Variants in LYN observed in about 807,000 individuals in gnomAD.
LYN encodes the protein LYN proto-oncogene, Src family tyrosine kinase.
LYN carries 12 observed loss-of-function variants against 65.0 expected under a neutral mutation model. The observed-to-expected ratio is 0.18, with a 90% CI of 0.12 to 0.30. LYN has a LOEUF of 0.30. Among genes scored for constraint, LYN ranks in the 10% least tolerant of loss-of-function variants. The pLI is 1.00. For synonymous variants in LYN, 222 were observed against 221.2 expected (o/e 1.00, Z -0.03); for missense variants, 380 against 623.2 (o/e 0.61, Z 4.16).
chr8:55,888,786 G>T (rs985435303), intron 1 of LYN, among the ~76,000 whole-genome samples: 1 of 152,038 alleles, frequency 6.6e-6, no homozygotes, highest in Non-Finnish European at 1.5e-5. Flanking sequence ...ATCCAGGCTG[G>T]AGTGCAGTGG....
intron 10 of LYN, among the ~76,000 whole-genome samples, chr8:55,991,582 A>G (rs544881556): frequency 1.3e-3 from 205 of 152,264 alleles, no homozygotes; most frequent in Non-Finnish European, 2.5e-3. Flanking sequence ...AGATGCCAAG[A>G]GTTTCACCAG....
At chr8:55,881,063 A>G (rs1183700011) in intron 1 of LYN, among the ~76,000 whole-genome samples, 1 of 152,152 alleles carries the variant, frequency 6.6e-6, no homozygotes, top group Non-Finnish European at 1.5e-5. Context: ...GAGTTTCTTC[A>G]TCTTTGAGAG....
intron 1 of LYN, among the ~76,000 whole-genome samples, chr8:55,896,360 T>G (rs1469028002): frequency 6.6e-6 from 1 of 151,954 alleles, no homozygotes; most frequent in East Asian, 1.9e-4. Context: ...AGCAGGGACA[T>G]GGATGCAGCT....
chr8:55,974,321 T>C (rs1320918966), intron 10 of LYN, among the ~76,000 whole-genome samples: 1 of 152,258 alleles, frequency 6.6e-6, no homozygotes, highest in Non-Finnish European at 1.5e-5. Flanking sequence ...TCTTTAGCTT[T>C]TTCCACTTCA....
chr8:55,923,775 A>T lies in LYN; in HGVS notation c.-5-18080A>T, dbSNP rs373848417. Reference sequence around the variant, plus strand: ...GGCTGGTCTCGAACTCCTGACCTCAAGTGATTTGCCTACCTCGGCCTCCCA... The same window carrying T: ...GGCTGGTCTCGAACTCCTGACCTCATGTGATTTGCCTACCTCGGCCTCCCA... On this transcript the variant is annotated intron_variant, in intron 1 of 12. Transcript: ENST00000519728. Among the ~76,000 whole-genome samples, 44 of 152,196 alleles carry T rather than the reference A, an allele frequency of 2.9e-4. No homozygotes were observed. In the East Asian group the frequency reaches 4.3e-3, roughly 15 times the overall value.
At chr8:55,930,192 C>T (rs532910146) in intron 1 of LYN, among the ~76,000 whole-genome samples, 1 of 152,322 alleles carries the variant, frequency 6.6e-6, no homozygotes, top group South Asian at 2.1e-4. Context: ...ACTGCTCTAG[C>T]TAACCTAGAC....
At chr8:55,890,117 C>CAAAAAAAAAAAAAAAAAAA (rs34706733) in intron 1 of LYN, among the ~76,000 whole-genome samples, 22 of 79,084 alleles carry the variant, frequency 2.8e-4, no homozygotes, top group East Asian at 1.3e-3. Context: ...CCTCTATAGA[C>CAAAAAAAAAAAAAAAAAAA]AAAAAAAAAA....
In LYN at chr8:55,962,875, A is replaced by G. The variant is rs183002126; in HGVS notation, c.791-3840A>G. The stretch of plus-strand genomic sequence containing the variant: ...AGCCTCAGGAAGCTTCCATTCAAAA[A>G]GGAAGGCAAAAGGGAGTGAGCATGT... On this transcript the variant is annotated intron_variant, in intron 8 of 12. Transcript: ENST00000519728. Among the ~76,000 whole-genome samples the G allele has an allele frequency of 1.9e-3, 287 of 152,344 alleles. 4 individuals carry two copies. The highest frequency in any genetic ancestry group is 6.4e-3 in the African/African-American group (266 of 41,582).
chr8:55,999,763 G>A (rs1244050424), intron 12 of LYN, among the ~76,000 whole-genome samples: 1 of 152,128 alleles, frequency 6.6e-6, no homozygotes, highest in African/African-American at 2.4e-5. Context: ...CCTGAGGTCG[G>A]GAGTTGGAGA....
intron 8 of LYN, among the ~76,000 whole-genome samples, chr8:55,962,282 G>A (rs1356106224): frequency 6.6e-6 from 1 of 152,160 alleles, no homozygotes; most frequent in Non-Finnish European, 1.5e-5. Context: ...TTGTGTTGGT[G>A]AGATGCATCC....
At chr8:55,891,690 T>C (rs1371828656) in intron 1 of LYN, among the ~76,000 whole-genome samples, 4 of 152,114 alleles carry the variant, frequency 2.6e-5, no homozygotes, top group Admixed American at 1.3e-4. Context: ...ACGATACAAG[T>C]TTTATATTGT....
intron 10 of LYN, among the ~76,000 whole-genome samples, chr8:55,986,840 T>C (rs909523968): frequency 6.6e-6 from 1 of 152,142 alleles, no homozygotes; most frequent in Non-Finnish European, 1.5e-5. Flanking sequence ...ATCCTCCTGC[T>C]TCAGCTTCCC....
At chr8:55,995,534 AT>A (rs1808350490) in intron 10 of LYN, among the ~76,000 whole-genome samples, 1 of 152,186 alleles carries the variant, frequency 6.6e-6, no homozygotes, top group Non-Finnish European at 1.5e-5. Context: ...GGATGGGTTC[AT>A]GTTCCTGCAG....
chr8:55,933,811 GA>G (rs1334198000), intron 1 of LYN, among the ~76,000 whole-genome samples: 2 of 152,134 alleles, frequency 1.3e-5, no homozygotes, highest in Non-Finnish European at 2.9e-5. Context: ...TTCTTTTCTG[GA>G]AACATTCTAG....
At chr8:55,973,815 A>G (rs74437529) in intron 10 of LYN, among the ~76,000 whole-genome samples, 4 of 152,362 alleles carry the variant, frequency 2.6e-5, no homozygotes, top group African/African-American at 4.8e-5. Flanking sequence ...ACAAAGTGGC[A>G]TGCACCTATT....
intron 1 of LYN, among the ~76,000 whole-genome samples, chr8:55,929,262 A>C (rs76883082): frequency 0.012 from 1,790 of 152,334 alleles, 25 homozygotes; most frequent in Non-Finnish European, 0.019. Context: ...GATCCTTCTT[A>C]CTGTTTCTTC....
intron 2 of LYN, among the ~76,000 whole-genome samples, chr8:55,943,548 C>G (rs1443376779): frequency 6.8e-6 from 1 of 147,680 alleles, no homozygotes. Context: ...TGCACTCCAG[C>G]CTGGGTGACA....
chr8:55,937,684 A>AGTTTT (rs975770736), intron 1 of LYN, among the ~76,000 whole-genome samples: 9 of 152,130 alleles, frequency 5.9e-5, no homozygotes, highest in Admixed American at 1.3e-4. Flanking sequence ...GGTAAGAGTG[A>AGTTTT]GTTTTGTTTT....
chr8:55,925,873 A>G (rs117678169), intron 1 of LYN, among the ~76,000 whole-genome samples: 2 of 152,362 alleles, frequency 1.3e-5, no homozygotes, highest in Non-Finnish European at 2.9e-5. Context: ...GAAGAAAAAG[A>G]AAAACCAACT....
Sources: gnomAD v4.1 joint callset for allele counts (sites outside exome capture counted in the v4.1 genomes callset) on GRCh38, gnomAD v4.1.1 for gene constraint, MANE v1.5 for transcripts, NCBI Gene and HGNC (gene_info 2026-07-23, HGNC 2026-07-21) for gene names.